GK5: variants seen among roughly 807,000 people sequenced by gnomAD.
GK5 encodes the protein glycerol kinase 5, also known as ATP:glycerol 3-phosphotransferase 5.
In GK5, 39 loss-of-function variants were observed where a neutral mutation model predicts 77.3. That is an observed-to-expected ratio of 0.50 (90% CI 0.39 to 0.66). GK5 has a LOEUF of 0.66. Ranked by LOEUF, GK5 falls within the 30% of genes least tolerant of loss-of-function variation. The pLI, the probability that GK5 is intolerant of heterozygous loss-of-function variation, is 0.00. For synonymous variants in GK5, 211 were observed against 208.0 expected (o/e 1.01, Z -0.13); for missense variants, 487 against 633.8 (o/e 0.77, Z 2.49).
At position 142,225,358 on chromosome 3, in the gene GK5, C is replaced by T. The variant is rs1468319169; in HGVS notation, c.98G>A (p.Cys33Tyr). The T allele has an allele frequency of 6.3e-7, 1 of 1,577,432 alleles. No homozygotes were observed. Among genetic ancestry groups the T allele is most frequent in the South Asian group, 1.2e-5 (1 of 85,778 alleles). ...GLDVGSSVIR[C>Y]HVYDRAARVC... ...CCGCGCCGCCCGGTCATAGACGTGG[C>T]AGCGGATCACAGAACTGCCCACATC... The change falls in exon 1 of 16, where the codon TGC becomes TAC. Residue 33 changes from cysteine to tyrosine, a missense_variant. Physicochemically the swap from Cys to Tyr is radical, Grantham distance 194. Around this residue, in one of 4 missense-constraint regions of GK5, gnomAD observed 97 missense variants for 86.9 expected, o/e 1.12. Transcript: ENST00000392993.
intron 11 of GK5, among the ~76,000 whole-genome samples, chr3:142,178,759 T>A (rs1480639993): frequency 1.2e-4 from 19 of 152,242 alleles, no homozygotes; most frequent in Non-Finnish European, 2.5e-4. Flanking sequence ...GACATATGTA[T>A]ACATTTCTGT....
intron 5 of GK5, among the ~76,000 whole-genome samples, chr3:142,192,107 C>G (rs964588890): frequency 3.3e-5 from 5 of 152,130 alleles, no homozygotes; most frequent in South Asian, 4.1e-4. Flanking sequence ...TATCACAAGG[C>G]ATTAGGGAAC....
At chr3:142,205,880 T>C (rs1443602203) in intron 3 of GK5, among the ~76,000 whole-genome samples, 2 of 152,180 alleles carry the variant, frequency 1.3e-5, no homozygotes, top group Non-Finnish European at 2.9e-5. Context: ...AAACAGAAGC[T>C]CTATAACAAT....
At chr3:142,192,552 T>C (rs1384990192) in intron 5 of GK5, among the ~76,000 whole-genome samples, 2 of 152,052 alleles carry the variant, frequency 1.3e-5, no homozygotes, top group Non-Finnish European at 2.9e-5. Context: ...TCACTTAAGG[T>C]CGGGAGGTCG....
chr3:142,171,964 G>A (rs1185064724), intron 13 of GK5, among the ~76,000 whole-genome samples: 1 of 152,054 alleles, frequency 6.6e-6, no homozygotes, highest in East Asian at 1.9e-4. Flanking sequence ...AGATTACAGG[G>A]AAATATGCAG....
chr3:142,204,826 A>C (rs2064080995), intron 3 of GK5, 38 bp from the exon 4 acceptor site: 2 of 1,117,236 alleles, frequency 1.8e-6, no homozygotes, highest in African/African-American at 3.1e-5. Flanking sequence ...ACCCAGCATA[A>C]ATCAGAGACT....
rs537913134 is a variant in GK5, at chr3:142,159,914, C to A, written c.*5708G>T. Reference sequence around the variant, plus strand: ...CCAGGCTGGAATGCAGTGGCCCAATCTCGGCTCACTGCAACCTCCACGTCC... The same window carrying A: ...CCAGGCTGGAATGCAGTGGCCCAATATCGGCTCACTGCAACCTCCACGTCC... On this transcript the variant is annotated 3_prime_UTR_variant, in exon 16 of 16. Coordinates refer to ENST00000392993, the MANE Select transcript of GK5 (RefSeq NM_001039547.3). 3 of 150,308 alleles carry A rather than the reference C, an allele frequency of 2.0e-5. No homozygotes were observed. The highest frequency in any genetic ancestry group is 6.7e-5 in the Admixed American group (1 of 14,976). 9.3% of individuals were successfully genotyped at this position (150,308 alleles called of 1,614,324 possible). A position where few individuals can be genotyped will look rare whatever the true frequency, so the allele number is the denominator to read the frequency against.
chr3:142,224,583 A>G (rs1057384937), intron 1 of GK5, among the ~76,000 whole-genome samples: 2 of 152,234 alleles, frequency 1.3e-5, no homozygotes, highest in Non-Finnish European at 2.9e-5. Flanking sequence ...CAACCAACCA[A>G]TGATTTGGCA....
intron 1 of GK5, among the ~76,000 whole-genome samples, chr3:142,218,629 G>A (rs1361386290): frequency 6.6e-6 from 1 of 151,650 alleles, no homozygotes; most frequent in Non-Finnish European, 1.5e-5. Context: ...AATGTAAAAT[G>A]TAAAACTATA....
intron 3 of GK5, among the ~76,000 whole-genome samples, chr3:142,207,676 C>A (rs6775565): frequency 0.042 from 6,403 of 152,268 alleles, 451 homozygotes; most frequent in African/African-American, 0.15. Context: ...ATAATAAATG[C>A]TGGTATATCC....
chr3:142,199,344 T>C (rs944631485), intron 4 of GK5, among the ~76,000 whole-genome samples: 15 of 152,188 alleles, frequency 9.9e-5, no homozygotes, highest in African/African-American at 3.6e-4. Flanking sequence ...GATAAATCTA[T>C]ACTATTTAGT....
chr3:142,200,656 C>A (rs1233425865), intron 4 of GK5, among the ~76,000 whole-genome samples: 1 of 152,142 alleles, frequency 6.6e-6, no homozygotes, highest in Admixed American at 6.5e-5. Context: ...AGATTTAGGA[C>A]ACTTCTGAGA....
At chr3:142,224,693 C>G (rs1005215981) in intron 1 of GK5, among the ~76,000 whole-genome samples, 2 of 152,060 alleles carry the variant, frequency 1.3e-5, no homozygotes, top group South Asian at 4.1e-4. Flanking sequence ...CCCAATACCT[C>G]TAATATCCAC....
intron 1 of GK5, among the ~76,000 whole-genome samples, chr3:142,221,534 T>TAA (rs2064347657): frequency 6.6e-6 from 1 of 152,170 alleles, no homozygotes. Flanking sequence ...TTTTTTTTTA[T>TAA]TAAAAACAAA....
At position 142,161,640 on chromosome 3, in the gene GK5, TA is replaced by T. The variant is rs2063426838; in HGVS notation, c.*3981del. 6.6e-6 allele frequency: 1 copy of T among 151,968 alleles called. No homozygotes were observed. The highest frequency in any genetic ancestry group is 2.4e-5 in the African/African-American group (1 of 41,362). The allele number at this position is 151,968 out of a possible 1,614,324, so 9.4% of individuals were successfully genotyped here. On this transcript the variant is annotated 3_prime_UTR_variant, in exon 16 of 16. Transcript: ENST00000392993. ...AATGATGATCTCCTTTGTTCAGAGA[TA>T]AAAAGGAAGCAAAAAAGCAGGTCAA...
chr3:142,181,783 CAGAG>C (rs2063700718), intron 10 of GK5, among the ~76,000 whole-genome samples: 2 of 152,168 alleles, frequency 1.3e-5, no homozygotes, highest in Non-Finnish European at 2.9e-5. Context: ...CGGCCTACCT[CAGAG>C]AGCTACGAAA....
At chr3:142,208,214 C>G (rs1434703721) in intron 3 of GK5, among the ~76,000 whole-genome samples, 1 of 152,108 alleles carries the variant, frequency 6.6e-6, no homozygotes, top group African/African-American at 2.4e-5. Context: ...AATTTTTCTA[C>G]TTTGGAGAGT....
At chr3:142,193,929 C>T (rs141127047) in intron 5 of GK5, among the ~76,000 whole-genome samples, 2,259 of 152,064 alleles carry the variant, frequency 0.015, 57 homozygotes, top group African/African-American at 0.049. Context: ...TTAGTAGAGA[C>T]GGGGTTTCAC....
chr3:142,210,903 C>T (rs932315270), intron 3 of GK5, among the ~76,000 whole-genome samples: 63 of 152,120 alleles, frequency 4.1e-4, no homozygotes, highest in Admixed American at 3.7e-3. Flanking sequence ...CACATCCAAT[C>T]AGTTCTTTCC....
Sources: gnomAD v4.1 joint callset for allele counts (sites outside exome capture counted in the v4.1 genomes callset) on GRCh38, gnomAD v4.1.1 for gene constraint, gnomAD v4.1.1 regional missense constraint, MANE v1.5 for transcripts, NCBI Gene and HGNC (gene_info 2026-07-23, HGNC 2026-07-21) for gene names.